Variants in BRINP3 observed in about 807,000 individuals in gnomAD.
BRINP3 encodes BMP/retinoic acid inducible neural specific 3.
Under a neutral mutation model 71.0 loss-of-function variants are expected in BRINP3, and 19 were observed. That is an observed-to-expected ratio of 0.27 (90% confidence interval 0.19 to 0.39). The LOEUF is 0.39. BRINP3 is among the 10% of genes least tolerant of loss of function. BRINP3 has a pLI of 1.00. For synonymous variants in BRINP3, 380 were observed against 337.7 expected, an observed-to-expected ratio of 1.13 and a Z score of -1.37; for missense variants, 959 against 940.8, an observed-to-expected ratio of 1.02 and a Z score of -0.25.
intron 2 of BRINP3, among the ~76,000 whole-genome samples, chr1:190,365,806 GTATATA>G (rs66540359): frequency 0.027 from 3,397 of 127,824 alleles, 152 homozygotes; most frequent in African/African-American, 0.087. Flanking sequence ...GAGAGCAAGT[GTATATA>G]TATATATATA....
At chr1:190,178,911 A>C (rs935333850) in intron 6 of BRINP3, among the ~76,000 whole-genome samples, 9 of 152,184 alleles carry the variant, frequency 5.9e-5, no homozygotes, top group Non-Finnish European at 1.3e-4. Flanking sequence ...TATTTGAAAT[A>C]TTTCCATGAA....
intron 6 of BRINP3, among the ~76,000 whole-genome samples, chr1:190,219,018 G>A (rs961763133): frequency 5.3e-5 from 8 of 152,078 alleles, no homozygotes; most frequent in African/African-American, 1.9e-4. Context: ...ATTCAGGACT[G>A]CCAGTGCTCT....
At position 190,157,131 on chromosome 1, in the gene BRINP3, T is replaced by TA. The variant is rs1041058161; in HGVS notation, c.1184+3536dup. Among the ~76,000 whole-genome samples, 355 of 148,046 alleles carry TA rather than the reference T, an allele frequency of 2.4e-3. 1 individual carries two copies. Among genetic ancestry groups the TA allele is most frequent in the African/African-American group, 7.4e-3 (301 of 40,520 alleles). On this transcript the variant is annotated intron_variant, in intron 7 of 7. Coordinates refer to ENST00000367462, the MANE Select transcript of BRINP3 (RefSeq NM_199051.3). ...AGGAATTCCTCCATTCCCCCAATAT[T>TA]AAAAAAAAAAATTAACACATACTCA...
chr1:190,420,941 G>A (rs1381999884), intron 2 of BRINP3, among the ~76,000 whole-genome samples: 1 of 151,800 alleles, frequency 6.6e-6, no homozygotes, highest in African/African-American at 2.4e-5. Context: ...AGCTTGTTGG[G>A]TGAAAACTCT....
chr1:190,141,516 T>C (rs945693250), intron 7 of BRINP3, among the ~76,000 whole-genome samples: 1 of 151,196 alleles, frequency 6.6e-6, no homozygotes, highest in Admixed American at 6.6e-5. Context: ...TCCTCTTTCT[T>C]TCTCTTTTTC....
At chr1:190,177,329 A>ATTTTTTTTTTT (rs11307442) in intron 6 of BRINP3, among the ~76,000 whole-genome samples, 19 of 98,696 alleles carry the variant, frequency 1.9e-4, no homozygotes, top group African/African-American at 3.5e-4. Context: ...TGCCTGGATA[A>ATTTTTTTTTTT]TTTTTTTTTT....
At chr1:190,142,537 A>G (rs1242522649) in intron 7 of BRINP3, among the ~76,000 whole-genome samples, 1 of 152,138 alleles carries the variant, frequency 6.6e-6, no homozygotes, top group Non-Finnish European at 1.5e-5. Flanking sequence ...CTGTTTTTAC[A>G]GAAAATGCCA....
At chr1:190,330,677 A>G (rs993783323) in intron 2 of BRINP3, among the ~76,000 whole-genome samples, 6 of 152,026 alleles carry the variant, frequency 3.9e-5, no homozygotes, top group Admixed American at 1.3e-4. Flanking sequence ...AGACACATGC[A>G]CTCACATGTT....
chr1:190,290,220 G>A (rs533177646), intron 2 of BRINP3, among the ~76,000 whole-genome samples: 12 of 152,100 alleles, frequency 7.9e-5, no homozygotes, highest in African/African-American at 2.4e-4. Flanking sequence ...AACACTAACC[G>A]TATGTAAAAA....
chr1:190,432,301 G>T (rs1193889167), intron 2 of BRINP3, among the ~76,000 whole-genome samples: 2 of 151,962 alleles, frequency 1.3e-5, no homozygotes, highest in Non-Finnish European at 2.9e-5. Flanking sequence ...GCAATTTCTG[G>T]TTGCCATTTA....
chr1:190,108,183 C>T (rs901033849), intron 7 of BRINP3, among the ~76,000 whole-genome samples: 4 of 151,970 alleles, frequency 2.6e-5, no homozygotes, highest in Admixed American at 2.6e-4. Flanking sequence ...AAGTCACACT[C>T]GCAATGCAAG....
chr1:190,212,839 C>T (rs1395971160), intron 6 of BRINP3, among the ~76,000 whole-genome samples: 2 of 152,082 alleles, frequency 1.3e-5, no homozygotes, highest in Non-Finnish European at 2.9e-5. Context: ...TGAGAAGAGA[C>T]TCCAGCTAAC....
At chr1:190,194,233 A>G (rs1654288755) in intron 6 of BRINP3, among the ~76,000 whole-genome samples, 1 of 152,112 alleles carries the variant, frequency 6.6e-6, no homozygotes, top group Non-Finnish European at 1.5e-5. Flanking sequence ...TAATCACAGA[A>G]TGCAGAAAGC....
chr1:190,301,006 G>A (rs1664643190), intron 2 of BRINP3, among the ~76,000 whole-genome samples: 1 of 151,318 alleles, frequency 6.6e-6, no homozygotes, highest in Non-Finnish European at 1.5e-5. Context: ...TCAAAGCAAA[G>A]GCAAAGAAGT....
intron 3 of BRINP3, among the ~76,000 whole-genome samples, chr1:190,273,992 A>C (rs1371096293): frequency 1.3e-5 from 2 of 151,588 alleles, no homozygotes; most frequent in Non-Finnish European, 3.0e-5. Flanking sequence ...ATTTATTCTG[A>C]TATTAGAAGG....
intron 7 of BRINP3, among the ~76,000 whole-genome samples, chr1:190,143,898 C>T (rs1655664507): frequency 6.6e-6 from 1 of 152,136 alleles, no homozygotes; most frequent in East Asian, 1.9e-4. Context: ...ATTGCATAGC[C>T]ATGACCATTT....
At position 190,361,802 on chromosome 1, in the gene BRINP3, C is replaced by T. The variant is rs138639239; in HGVS notation, c.237-80052G>A. ...GTACAAGGCGGCTACATGCAAACTT[C>T]ATCATCCACAAAGTAGGCACTGTAG... On this transcript the variant is annotated intron_variant, in intron 2 of 7. Transcript: ENST00000367462. 2.2e-4 allele frequency among the ~76,000 whole-genome samples: 33 copies of T among 152,280 alleles called. No individual in the cohort carries two copies. In the East Asian group the frequency reaches 6.4e-3, roughly 29 times the overall value.
chr1:190,151,814 G>A (rs1656417326), intron 7 of BRINP3, among the ~76,000 whole-genome samples: 1 of 152,032 alleles, frequency 6.6e-6, no homozygotes, highest in Non-Finnish European at 1.5e-5. Flanking sequence ...TCAGCACAAG[G>A]TAATTGCCAA....
At chr1:190,373,434 ATG>A (rs71123087) in intron 2 of BRINP3, among the ~76,000 whole-genome samples, 23,150 of 143,774 alleles carry the variant, frequency 0.16, 2,004 homozygotes, top group Middle Eastern at 0.22. Context: ...ATATATATAT[ATG>A]TGTGTGTGTG....
Sources: allele counts gnomAD v4.1 joint callset (sites outside exome capture counted in the v4.1 genomes callset), GRCh38; gene constraint gnomAD v4.1.1; transcripts MANE v1.5; gene names NCBI Gene and HGNC (gene_info 2026-07-23, HGNC 2026-07-21).